The following CCDC102B variants were observed in gnomAD, a reference collection of about 807,000 sequenced individuals.
CCDC102B encodes the protein coiled-coil domain-containing protein 102B.
Under a neutral mutation model 57.4 loss-of-function variants are expected in CCDC102B, and 75 were observed. The ratio of observed to expected loss-of-function variants is 1.31; its 90% CI spans 1.08 to 1.58. CCDC102B has a LOEUF of 1.58. CCDC102B is among the 40% of genes most tolerant of loss of function. CCDC102B has a pLI of 0.00. For synonymous variants in CCDC102B, 206 were observed against 201.9 expected, an observed-to-expected ratio of 1.02 and a Z score of -0.17; for missense variants, 636 against 582.6, an observed-to-expected ratio of 1.09 and a Z score of -0.94.
At chr18:68,878,811 AG>A (rs1291574920) in intron 5 of CCDC102B, among the ~76,000 whole-genome samples, 2 of 152,214 alleles carry the variant, frequency 1.3e-5, no homozygotes. Flanking sequence ...AATTATTTAA[AG>A]GACAGAACTA....
chr18:68,936,766 CACAT>C (rs61563349), intron 6 of CCDC102B, among the ~76,000 whole-genome samples: 6 of 38,992 alleles, frequency 1.5e-4, no homozygotes, highest in Admixed American at 8.1e-4. Flanking sequence ...TATATATACA[CACAT>C]ACATACATAC....
intron 4 of CCDC102B, among the ~76,000 whole-genome samples, chr18:68,872,545 T>C (rs1336176639): frequency 6.6e-6 from 1 of 152,132 alleles, no homozygotes; most frequent in Non-Finnish European, 1.5e-5. Context: ...ATTACAGTAG[T>C]TGTTTTTTAA....
At chr18:68,801,391 T>G (rs2035846516) in intron 1 of CCDC102B, among the ~76,000 whole-genome samples, 2 of 152,148 alleles carry the variant, frequency 1.3e-5, no homozygotes, top group Admixed American at 6.6e-5. Flanking sequence ...GTCATAGCTT[T>G]GCAAAGGACT....
chr18:68,933,026 CAAGAT>C (rs2041728331), intron 6 of CCDC102B, among the ~76,000 whole-genome samples: 2 of 151,270 alleles, frequency 1.3e-5, no homozygotes, highest in African/African-American at 4.9e-5. Context: ...CTGTTTCTGC[CAAGAT>C]AAGTTGAGCA....
intron 6 of CCDC102B, among the ~76,000 whole-genome samples, chr18:68,932,726 G>A (rs17079914): frequency 3.3e-5 from 5 of 151,588 alleles, no homozygotes; most frequent in Admixed American, 2.6e-4. Context: ...TTTGGTGTTC[G>A]ATCTGTCCTC....
At chr18:68,886,572 T>TAATG (rs150615084) in intron 5 of CCDC102B, among the ~76,000 whole-genome samples, 1,615 of 152,250 alleles carry the variant, frequency 0.011, 36 homozygotes, top group East Asian at 0.08. Context: ...ATTGTGAAGA[T>TAATG]AATCATTTTA....
intron 6 of CCDC102B, among the ~76,000 whole-genome samples, chr18:69,001,729 A>G (rs1275857798): frequency 6.6e-6 from 1 of 152,132 alleles, no homozygotes; most frequent in Admixed American, 6.5e-5. Context: ...GGTGCTAATC[A>G]TTGTTACACC....
chr18:68,905,481 T>C (rs2040594392), intron 6 of CCDC102B, among the ~76,000 whole-genome samples: 1 of 151,502 alleles, frequency 6.6e-6, no homozygotes. Flanking sequence ...TTCACTATTC[T>C]TTTTTCTTCT....
chr18:68,831,792 T>G (rs1468395158), intron 1 of CCDC102B, among the ~76,000 whole-genome samples: 12 of 152,122 alleles, frequency 7.9e-5, no homozygotes, highest in Admixed American at 7.2e-4. Flanking sequence ...TCATCACAGC[T>G]ATAGTCTTCC....
intron 7 of CCDC102B, among the ~76,000 whole-genome samples, chr18:69,013,710 A>G (rs1194022924): frequency 1.3e-5 from 2 of 152,190 alleles, no homozygotes; most frequent in Non-Finnish European, 1.5e-5. Context: ...CTTGTTTGCT[A>G]TTGGTGCATT....
chr18:68,761,339 A>C (rs2034246957), intron 2 of CCDC102B, among the ~76,000 whole-genome samples: 1 of 152,040 alleles, frequency 6.6e-6, no homozygotes, highest in African/African-American at 2.4e-5. Flanking sequence ...GAAGTTTTTC[A>C]ATTTTTATAA....
intron 2 of CCDC102B, among the ~76,000 whole-genome samples, chr18:68,774,210 G>C (rs2034735575): frequency 6.6e-6 from 1 of 151,838 alleles, no homozygotes; most frequent in Non-Finnish European, 1.5e-5. Flanking sequence ...GGTTGTCTTT[G>C]ATACTGGATT....
intron 6 of CCDC102B, among the ~76,000 whole-genome samples, chr18:68,990,214 C>A (rs2050828454): frequency 6.6e-6 from 1 of 152,220 alleles, no homozygotes; most frequent in South Asian, 2.1e-4. Context: ...AAGTTCTCTG[C>A]AGCCCGTTAG....
chr18:69,055,299 A>G (rs1169050823), downstream of CCDC102B: 2 of 310,680 alleles, frequency 6.4e-6, no homozygotes, highest in Middle Eastern at 1.5e-3. Flanking sequence ...AGGGGCAAAG[A>G]GGCCCGATCT....
At chr18:68,774,933 T>A (rs2034760070) in intron 2 of CCDC102B, among the ~76,000 whole-genome samples, 1 of 151,436 alleles carries the variant, frequency 6.6e-6, no homozygotes, top group East Asian at 1.9e-4. Flanking sequence ...GTTTTTCCAT[T>A]TATTTTAACA....
intron 1 of CCDC102B, among the ~76,000 whole-genome samples, chr18:68,822,755 G>C (rs2036744133): frequency 6.6e-6 from 1 of 152,138 alleles, no homozygotes; most frequent in South Asian, 2.1e-4. Flanking sequence ...GCATTCATTA[G>C]CTTAGGATTA....
intron 1 of CCDC102B, among the ~76,000 whole-genome samples, chr18:68,800,471 A>AT (rs2035806499): frequency 6.6e-6 from 1 of 152,188 alleles, no homozygotes; most frequent in Non-Finnish European, 1.5e-5. Flanking sequence ...ATAAGGGGTA[A>AT]TTTTTACATT....
intron 6 of CCDC102B, among the ~76,000 whole-genome samples, chr18:68,936,483 C>T (rs867747925): frequency 6.6e-6 from 1 of 151,934 alleles, no homozygotes; most frequent in Non-Finnish European, 1.5e-5. Context: ...TAGATTGTTA[C>T]AGGAGTCTTA....
intron 6 of CCDC102B, among the ~76,000 whole-genome samples, chr18:68,929,946 TAA>T (rs973102558): frequency 6.6e-6 from 1 of 151,844 alleles, no homozygotes; most frequent in African/African-American, 2.4e-5. Context: ...GAGAAAATAT[TAA>T]GTTACCACAC....
Sources: allele counts gnomAD v4.1 joint callset (sites outside exome capture counted in the v4.1 genomes callset), GRCh38; gene constraint gnomAD v4.1.1; transcripts MANE v1.5; gene names NCBI Gene and HGNC (gene_info 2026-07-23, HGNC 2026-07-21).